Variants in OTOGL observed in about 807,000 individuals in gnomAD.
OTOGL encodes the protein otogelin like, also known as otogelin-like protein.
In OTOGL, 285 loss-of-function variants were observed where a neutral mutation model predicts 318.5. The ratio of observed to expected loss-of-function variants is 0.89; its 90% CI spans 0.81 to 0.99. The LOEUF (loss-of-function observed/expected upper bound fraction) is 0.99, where lower values mean the gene tolerates loss of function less well. Among genes scored for constraint, OTOGL ranks in the 50% least tolerant of loss-of-function variants. OTOGL has a pLI of 0.00. For synonymous variants in OTOGL, 987 were observed against 936.5 expected, an observed-to-expected ratio of 1.05 and a Z score of -0.99; for missense variants, 2,899 against 2,845.6, an observed-to-expected ratio of 1.02 and a Z score of -0.43.
At chr12:80,148,883 G>A (rs1403037376) in intron 1 of OTOGL, among the ~76,000 whole-genome samples, 2 of 152,062 alleles carry the variant, frequency 1.3e-5, no homozygotes, top group Non-Finnish European at 2.9e-5. Flanking sequence ...CGTAGTTCTC[G>A]AGCCTTGGTT....
intron 1 of OTOGL, among the ~76,000 whole-genome samples, chr12:80,125,721 T>C (rs1870787290): frequency 6.6e-6 from 1 of 152,172 alleles, no homozygotes; most frequent in East Asian, 1.9e-4. Context: ...TCAGAGCCTG[T>C]TATTGGTCTA....
chr12:80,162,821 T>G (rs1222097678), intron 1 of OTOGL, among the ~76,000 whole-genome samples: 2 of 151,522 alleles, frequency 1.3e-5, no homozygotes, highest in South Asian at 2.1e-4. Context: ...CCAATATGGG[T>G]TTTTTCTTGT....
intron 25 of OTOGL, 103 bp from the exon 26 acceptor site, chr12:80,278,925 C>G: frequency 7.6e-7 from 1 of 1,322,636 alleles, no homozygotes; most frequent in Admixed American, 1.9e-5. Flanking sequence ...GGGATATTGA[C>G]TCATGAATTC....
At position 80,323,709 on chromosome 12, in the gene OTOGL, T is replaced by TTA; in HGVS notation, c.4082-12_4082-11dup. On this transcript the variant is annotated splice_polypyrimidine_tract_variant and intron_variant, in intron 34 of 58. Transcript: ENST00000547103. ...ATTAAATATGCACACAATCTAAACT[T>TTA]TATTTTTTCCCAGAAATCCAGGCAG... 6.3e-7 allele frequency: 1 copy of TTA among 1,593,716 alleles called. No individual in the cohort carries two copies. Among genetic ancestry groups the TTA allele is most frequent in the Non-Finnish European group, 8.6e-7 (1 of 1,162,248 alleles).
Position 80,366,581 on chromosome 12 carries a change from T to G in OTOGL, c.6275T>G (p.Phe2092Cys). 7.4e-7 allele frequency: 1 copy of G among 1,353,354 alleles called. No homozygotes were observed. Among genetic ancestry groups the G allele is most frequent in the Non-Finnish European group, 9.6e-7 (1 of 1,037,854 alleles). 83.8% of individuals were successfully genotyped at this position (1,353,354 alleles called of 1,614,324 possible). ...LIMPTCEVGEFTAIDHNFQSD... is the reference protein window; with the variant it reads ...LIMPTCEVGECTAIDHNFQSD... ...GTAGTATATTTTCAATAGGGAGAAT[T>G]TACTGCAATAGACCATAACTTCCAG... Residue 2092 changes from phenylalanine to cysteine, a missense_variant, in exon 53 of 59, where the codon TTT becomes TGT. Physicochemically the swap from Phe to Cys is radical, Grantham distance 205 (BLOSUM62 -2). Around this residue, in one of 3 missense-constraint regions of OTOGL, gnomAD observed 2,607 missense variants for 2,524.9 expected, o/e 1.03. Transcript: ENST00000547103.
rs567270096 is a variant in OTOGL, at chr12:80,282,658, C to T, written c.2928+3492C>T. 2.3e-3 allele frequency among the ~76,000 whole-genome samples: 350 copies of T among 151,786 alleles called. 4 individuals carry two copies. Among genetic ancestry groups the T allele is most frequent in the African/African-American group, 7.9e-3 (326 of 41,448 alleles). On this transcript the variant is annotated intron_variant, in intron 26 of 58. Transcript: ENST00000547103. ...TTAGCAAACAATTTTATATTAGAAT[C>T]CTTTCATCCCCTGAGGTTTAGAGTA...
At chr12:80,333,229 G>T (rs112110151) in intron 38 of OTOGL, among the ~76,000 whole-genome samples, 151 bp downstream of exon 38, 10 of 151,630 alleles carry the variant, frequency 6.6e-5, no homozygotes, top group African/African-American at 2.4e-4. Context: ...GCATTTCATT[G>T]GAACAATTGT....
chr12:80,156,216 A>T (rs2137180902), intron 1 of OTOGL, among the ~76,000 whole-genome samples: 1 of 152,298 alleles, frequency 6.6e-6, no homozygotes, highest in African/African-American at 2.4e-5. Context: ...GAAGAACGTG[A>T]AATGACTAGA....
Position 80,248,740 on chromosome 12 carries a change from G to C in OTOGL, c.1053-2953G>C, listed in dbSNP as rs892200263. Among the ~76,000 whole-genome samples the C allele has an allele frequency of 7.4e-5, 11 of 147,916 alleles. No individual in the cohort carries two copies. The East Asian group carries it at 1.2e-3, about 16-fold the overall frequency. ...TTGCTAGATTGGGGAAGTTCTCCTG[G>C]ATAATATCCTGCAGAGTGTTTTCCA... On this transcript the variant is annotated intron_variant, in intron 11 of 58. Coordinates refer to ENST00000547103, the MANE Select transcript of OTOGL (RefSeq NM_001378609.3).
At chr12:80,147,938 C>T (rs1872515353) in intron 1 of OTOGL, among the ~76,000 whole-genome samples, 1 of 152,008 alleles carries the variant, frequency 6.6e-6, no homozygotes, top group African/African-American at 2.4e-5. Flanking sequence ...TTATTTTGAG[C>T]CTATGTGTGT....
chr12:80,241,065 A>G (rs996899872), intron 11 of OTOGL, among the ~76,000 whole-genome samples: 11 of 152,080 alleles, frequency 7.2e-5, no homozygotes, highest in Admixed American at 2.0e-4. Flanking sequence ...TTAGTTTAGT[A>G]AAACCACTTA....
intron 11 of OTOGL, among the ~76,000 whole-genome samples, chr12:80,243,482 T>C (rs779391104): frequency 4.6e-5 from 7 of 151,700 alleles, no homozygotes; most frequent in Admixed American, 1.3e-4. Flanking sequence ...ATAAAGGATA[T>C]GATAAAAATA....
At chr12:80,318,775 G>A in intron 33 of OTOGL, 62 bp downstream of exon 33, 1 of 1,096,594 alleles carries the variant, frequency 9.1e-7, no homozygotes, top group Non-Finnish European at 1.2e-6. Flanking sequence ...TAGCCACTCA[G>A]TAAATATTAA....
chr12:80,179,914 C>CTG (rs1874799609), intron 1 of OTOGL, among the ~76,000 whole-genome samples: 1 of 152,184 alleles, frequency 6.6e-6, no homozygotes, highest in African/African-American at 2.4e-5. Context: ...GCCAAACACT[C>CTG]CGTGAGAGGA....
chr12:80,378,221 A>G lies in OTOGL; in HGVS notation c.*173A>G. On this transcript the variant is annotated 3_prime_UTR_variant, in exon 59 of 59. Transcript: ENST00000547103. ...AAAATATATACAGTTTCAATAGCAA[A>G]ATTAAATTTATTGCTTTACTCTATT... 1 of 528,612 alleles carries G rather than the reference A, an allele frequency of 1.9e-6. No homozygotes were observed. The highest frequency in any genetic ancestry group is 3.0e-5 in the East Asian group (1 of 33,290). The allele number at this position is 528,612 out of a possible 1,614,324, so 32.7% of individuals were successfully genotyped here.
chr12:80,111,418 T>G (rs900871728), intron 1 of OTOGL, among the ~76,000 whole-genome samples: 3 of 152,234 alleles, frequency 2.0e-5, no homozygotes, highest in African/African-American at 7.2e-5. Context: ...TTGAGTTGAT[T>G]TTTGTATAAG....
At chr12:80,344,820 A>G (rs192116954) in intron 44 of OTOGL, among the ~76,000 whole-genome samples, 120 of 111,868 alleles carry the variant, frequency 1.1e-3, no homozygotes, top group African/African-American at 3.1e-3. Context: ...TCTCTTCACA[A>G]GGAACATCTT....
At chr12:80,335,038 A>G (rs1340409837) in intron 38 of OTOGL, among the ~76,000 whole-genome samples, 1 of 152,182 alleles carries the variant, frequency 6.6e-6, no homozygotes, top group Non-Finnish European at 1.5e-5. Context: ...ATCATATATT[A>G]TATTGGAATG....
Position 80,222,263 on chromosome 12 carries a change from A to G in OTOGL, c.489+18A>G, listed in dbSNP as rs1019450243. On this transcript the variant is annotated intron_variant, in intron 7 of 58. Transcript: ENST00000547103. ...CTGTATGGGTAGGTGATTGTAGGACATGATTAACTTAAAAATATTATCTCT... is the reference window on the plus strand; with the variant it reads ...CTGTATGGGTAGGTGATTGTAGGACGTGATTAACTTAAAAATATTATCTCT... 1 of 1,547,220 alleles carries G rather than the reference A, an allele frequency of 6.5e-7. No homozygotes were observed. The highest frequency in any genetic ancestry group is 1.4e-5 in the African/African-American group (1 of 72,752).
Sources: gnomAD v4.1 joint callset for allele counts (sites outside exome capture counted in the v4.1 genomes callset) on GRCh38, gnomAD v4.1.1 for gene constraint, gnomAD v4.1.1 regional missense constraint, MANE v1.5 for transcripts, NCBI Gene and HGNC (gene_info 2026-07-23, HGNC 2026-07-21) for gene names.